Variants in PFKL observed in about 807,000 individuals in gnomAD.
PFKL encodes the protein ATP-dependent 6-phosphofructokinase, liver type.
PFKL carries 74 observed loss-of-function variants against 92.1 expected under a neutral mutation model. The observed-to-expected ratio is 0.80, with a 90% CI of 0.67 to 0.97. The LOEUF (loss-of-function observed/expected upper bound fraction) is 0.97. Ranked by LOEUF, PFKL falls within the 50% of genes least tolerant of loss-of-function variation. The probability of loss-of-function intolerance (pLI) is 0.00; values close to 1 mark genes in which losing one functional copy is unlikely to be tolerated. For missense variants in PFKL, 1,028 were observed against 1,116.6 expected, an observed-to-expected ratio of 0.92 and a Z score of 1.13; for synonymous variants, 494 against 456.4, an observed-to-expected ratio of 1.08 and a Z score of -1.05.
chr21:44,312,928 G>T (rs925100257), intron 4 of PFKL, 50 bp from the exon 5 acceptor site: 6 of 1,582,962 alleles, frequency 3.8e-6, no homozygotes, highest in South Asian at 2.2e-5. Context: ...CTGGCCCTGT[G>T]GTGGGGCCAG....
chr21:44,325,171 C>T lies in PFKL; in HGVS notation c.1896C>T (p.Asp632=), dbSNP rs1434795895. The change falls in exon 19 of 22, where the codon GAC becomes GAT. Residue 632 remains aspartate (D), a synonymous_variant. Coordinates refer to ENST00000349048, the MANE Select transcript of PFKL (RefSeq NM_002626.6). ...GLVLRNEKCH[D]YYTTEFLYNL... ...CTCTCAGGAACGAGAAGTGCCATGA[C>T]TACTACACCACGGAGTTCCTGTACA... 1 of 1,611,730 alleles carries T rather than the reference C, an allele frequency of 6.2e-7. No homozygotes were observed. Among genetic ancestry groups the T allele is most frequent in the Admixed American group, 1.7e-5 (1 of 60,028 alleles).
intron 5 of PFKL, 58 bp downstream of exon 5, chr21:44,313,201 A>T: frequency 6.3e-7 from 1 of 1,578,126 alleles, no homozygotes; most frequent in Non-Finnish European, 8.7e-7. Flanking sequence ...CACGGTGGTG[A>T]GGTGGTCTCA....
chr21:44,326,205 G>A lies in PFKL; in HGVS notation c.2136G>A (p.Leu712=), dbSNP rs1434027639. Reference sequence around the variant, plus strand: ...CAGACTCGGCCTGCGTGATCGGCCTGAAGAAGAAGGCGGTGGCCTTCAGCC... The same window carrying A: ...CAGACTCGGCCTGCGTGATCGGCCTAAAGAAGAAGGCGGTGGCCTTCAGCC... ...NAPDSACVIG[L]KKKAVAFSPV... The change falls in exon 21 of 22, where the codon CTG becomes CTA. Residue 712 remains leucine (L), a synonymous_variant. Transcript: ENST00000349048. 1.1e-5 allele frequency: 17 copies of A among 1,613,086 alleles called. No individual in the cohort carries two copies. Among genetic ancestry groups the A allele is most frequent in the Non-Finnish European group, 1.4e-5 (17 of 1,179,816 alleles).
intron 3 of PFKL, 143 bp downstream of exon 3, chr21:44,311,226 G>GCA (rs377163691): frequency 1.6e-5 from 10 of 631,708 alleles, no homozygotes; most frequent in African/African-American, 3.8e-5. Flanking sequence ...GCACACAGAC[G>GCA]CACACACACA....
In PFKL at chr21:44,321,761, G is replaced by A; in HGVS notation, c.1224G>A (p.Gly408=). Residue 408 remains glycine (G), a synonymous_variant, in exon 13 of 22, where the codon GGG becomes GGA. Coordinates refer to ENST00000349048, the MANE Select transcript of PFKL (RefSeq NM_002626.6). ...SNFSLAILNV[G]APAAGMNAAV... is the part of the protein sequence containing the mutation. ...TCTCCCTGGCCATCCTGAATGTGGG[G>A]GCCCCGGCGGCTGGCATGAATGCGG... The A allele has an allele frequency of 6.3e-7, 1 of 1,591,250 alleles. No homozygotes were observed. The highest frequency in any genetic ancestry group is 8.5e-7 in the Non-Finnish European group (1 of 1,169,902).
At position 44,306,638 on chromosome 21, in the gene PFKL, G is replaced by C. The variant is rs778540980; in HGVS notation, c.86-43G>C. 4 of 1,564,716 alleles carry C rather than the reference G, an allele frequency of 2.6e-6. No individual in the cohort carries two copies. The South Asian group carries it at 4.5e-5, about 18-fold the overall frequency. On this transcript the variant is annotated intron_variant, in intron 1 of 21. Coordinates refer to ENST00000349048, the MANE Select transcript of PFKL (RefSeq NM_002626.6). ...AGATGGGGAGGGTGTCCAGGGCCTT[G>C]CTTCTCAGCGTGGGACTGACAGGTT... is the stretch of plus-strand genomic sequence containing the variant.
chr21:44,326,372 A>G, intron 21 of PFKL, 108 bp downstream of exon 21: 1 of 839,564 alleles, frequency 1.2e-6, no homozygotes, highest in Non-Finnish European at 1.9e-6. Flanking sequence ...TGACCCCGCA[A>G]GGCCTCCTGG....
chr21:44,323,871 A>G lies in PFKL; in HGVS notation c.1603A>G (p.Thr535Ala), dbSNP rs764067272. The change falls in exon 16 of 22, where the codon ACC becomes GCC. Residue 535 changes from threonine (T) to alanine (A), a missense_variant. Thr to Ala is a moderately conservative substitution (Grantham distance 58, BLOSUM62 0). Transcript: ENST00000349048. ...CACCATCAGCAACAACGTCCCTGGC[A>G]CCGACTTCAGCCTGGGCTCCGACAC... ...PATISNNVPG[T>A]DFSLGSDTAV... 2 of 1,613,414 alleles carry G rather than the reference A, an allele frequency of 1.2e-6. No individual in the cohort carries two copies. Among genetic ancestry groups the G allele is most frequent in the African/African-American group, 2.7e-5 (2 of 74,920 alleles).
intron 12 of PFKL, chr21:44,320,478 C>T (rs954994905): frequency 5.4e-5 from 11 of 202,154 alleles, no homozygotes; most frequent in Admixed American, 5.2e-4. Context: ...GTAATCCCAG[C>T]ACTTTGGAAG....
At chr21:44,315,966 C>A in intron 7 of PFKL, 1 of 477,494 alleles carries the variant, frequency 2.1e-6, no homozygotes, top group Non-Finnish European at 3.8e-6. Flanking sequence ...GTGCTGGGCC[C>A]AGCCCCGAGG....
intron 9 of PFKL, among the ~76,000 whole-genome samples, chr21:44,316,938 C>T (rs1293753470): frequency 6.6e-6 from 1 of 152,178 alleles, no homozygotes; most frequent in Non-Finnish European, 1.5e-5. Flanking sequence ...AACGTGGCAG[C>T]AGTCAGGGCC....
intron 1 of PFKL, among the ~76,000 whole-genome samples, chr21:44,300,427 C>G (rs1040297793): frequency 6.6e-6 from 1 of 152,108 alleles, no homozygotes; most frequent in Admixed American, 6.5e-5. Flanking sequence ...TGGCGCCGCC[C>G]GCGCCCTGCC....
At position 44,324,547 on chromosome 21, in the gene PFKL, G is replaced by C; in HGVS notation, c.1707G>C (p.Val569=). Residue 569 remains valine (V), a synonymous_variant, in exon 17 of 22, where the codon GTG becomes GTC. Coordinates refer to ENST00000349048, the MANE Select transcript of PFKL (RefSeq NM_002626.6). ...ASGTKRRVFI[V]ETMGGYCGYL... ...GGACCAAGCGCCGTGTGTTCATCGT[G>C]GAGACCATGGGGGGTTACTGTGGCT... 1 of 1,613,496 alleles carries C rather than the reference G, an allele frequency of 6.2e-7. No individual in the cohort carries two copies. The highest frequency in any genetic ancestry group is 8.5e-7 in the Non-Finnish European group (1 of 1,179,910).
At chr21:44,319,506 C>G in intron 11 of PFKL, 91 bp downstream of exon 11, 2 of 1,082,426 alleles carry the variant, frequency 1.8e-6, no homozygotes, top group Admixed American at 1.7e-5. Context: ...CACGCCTGGC[C>G]TGGGTCATCC....
chr21:44,327,062 C>T lies in PFKL; in HGVS notation c.*200C>T. The T allele has an allele frequency of 1.7e-6, 1 of 597,834 alleles. No individual in the cohort carries two copies. The highest frequency in any genetic ancestry group is 3.0e-6 in the Non-Finnish European group (1 of 335,696). 37.0% of individuals were successfully genotyped at this position (597,834 alleles called of 1,614,324 possible). A position where few individuals can be genotyped will look rare whatever the true frequency, so the allele number is the denominator to read the frequency against. On this transcript the variant is annotated 3_prime_UTR_variant, in exon 22 of 22. Transcript: ENST00000349048. ...TGTCTTGAGACCAGCCTGCCAGGCCCTCCAGCAGGAGGACAGAGTGCCCTG... is the reference window on the plus strand; with the variant it reads ...TGTCTTGAGACCAGCCTGCCAGGCCTTCCAGCAGGAGGACAGAGTGCCCTG...
chr21:44,306,635 C>G (rs753441548), intron 1 of PFKL, 46 bp from the exon 2 acceptor site: 1 of 1,556,416 alleles, frequency 6.4e-7, no homozygotes, highest in Non-Finnish European at 8.8e-7. Flanking sequence ...TGTCCAGGGC[C>G]TTGCTTCTCA....
intron 12 of PFKL, 164 bp downstream of exon 12, chr21:44,320,311 A>C (rs1877082115): frequency 7.4e-6 from 4 of 540,752 alleles, no homozygotes; most frequent in Non-Finnish European, 3.3e-6. Context: ...GGGCTCAGGC[A>C]CCACTGTGGC....
intron 17 of PFKL, 66 bp downstream of exon 17, chr21:44,324,721 A>G (rs373838443): frequency 6.4e-7 from 1 of 1,559,484 alleles, no homozygotes; most frequent in African/African-American, 1.3e-5. Context: ...CCAGACACTC[A>G]GGCCGGCCAG....
chr21:44,326,893 C>G lies in PFKL; in HGVS notation c.*31C>G. The G allele has an allele frequency of 1.3e-6, 2 of 1,574,752 alleles. No homozygotes were observed. The highest frequency in any genetic ancestry group is 1.3e-5 in the African/African-American group (1 of 74,180). ...GCCATGCCCACGCCCCTCCCCAGCC[C>G]CCACCCATGCCAGCGCAGCGCCAGG... On this transcript the variant is annotated 3_prime_UTR_variant, in exon 22 of 22. Transcript: ENST00000349048.
Sources: allele counts gnomAD v4.1 joint callset (sites outside exome capture counted in the v4.1 genomes callset), GRCh38; gene constraint gnomAD v4.1.1; transcripts MANE v1.5; gene names NCBI Gene and HGNC (gene_info 2026-07-23, HGNC 2026-07-21).